The following PTP4A1 variants were observed in gnomAD, a reference collection of about 807,000 sequenced individuals.
PTP4A1 encodes the protein protein tyrosine phosphatase 4A1.
A neutral mutation model predicts 20.5 loss-of-function variants in PTP4A1; 9 were observed. The ratio of observed to expected loss-of-function variants is 0.44; its 90% CI spans 0.26 to 0.77. The LOEUF (loss-of-function observed/expected upper bound fraction) is 0.77, where lower values mean the gene tolerates loss of function less well. PTP4A1 is among the 30% of genes least tolerant of loss of function. The pLI, the probability that PTP4A1 is intolerant of heterozygous loss-of-function variation, is 0.19. For missense variants in PTP4A1, 137 were observed against 218.8 expected (o/e 0.63, Z 2.36); for synonymous variants, 78 against 67.4 (o/e 1.16, Z -0.77).
upstream of PTP4A1, among the ~76,000 whole-genome samples, chr6:63,570,181 A>G (rs918917120): frequency 6.6e-6 from 1 of 152,146 alleles, no homozygotes; most frequent in Non-Finnish European, 1.5e-5. Flanking sequence ...GTACAAACAA[A>G]TTAGCCAGGT....
chr6:63,553,018 G>T (rs1776520762), intron 3 of PTP4A1, among the ~76,000 whole-genome samples: 2 of 152,118 alleles, frequency 1.3e-5, no homozygotes, highest in South Asian at 4.1e-4. Context: ...TATGATGTAG[G>T]TAGTTGCACG....
upstream of PTP4A1, among the ~76,000 whole-genome samples, chr6:63,518,154 C>CA (rs60368385): frequency 0.055 from 3,406 of 61,744 alleles, 112 homozygotes; most frequent in African/African-American, 0.12. Context: ...ACTCCGTCTC[C>CA]AAAAAAAAAA....
chr6:63,534,809 A>ATAAAGAATTTCTTTACTAAAGAATTTAG, intron 2 of PTP4A1, among the ~76,000 whole-genome samples: 1 of 152,072 alleles, frequency 6.6e-6, no homozygotes, highest in South Asian at 2.1e-4. Flanking sequence ...AAAGAATTTC[A>ATAAAGAATTTCTTTACTAAAGAATTTAG]TAAAGAATTT....
chr6:63,560,326 A>G, intron 3 of PTP4A1, among the ~76,000 whole-genome samples: 1 of 147,464 alleles, frequency 6.8e-6, no homozygotes. Context: ...TGACAAGAGT[A>G]AGACTCCGTC....
rs1351808013 is a variant in PTP4A1 at position 63,582,856 on chromosome 6, T to C, written c.*2682T>C. On this transcript the variant is annotated 3_prime_UTR_variant, in exon 6 of 6. Transcript: ENST00000626021. ...GCATTGCTCTCCTATTCCCACGCCT[T>C]AACACAGCTCTATACCTAGAAGCAG... is the stretch of plus-strand genomic sequence containing the variant. 6.6e-6 allele frequency: 1 copy of C among 152,228 alleles called. No homozygotes were observed. The highest frequency in any genetic ancestry group is 1.9e-4 in the East Asian group (1 of 5,196). 9.4% of individuals were successfully genotyped at this position (152,228 alleles called of 1,614,324 possible). A position where few individuals can be genotyped will look rare whatever the true frequency, so the allele number is the denominator to read the frequency against.
At chr6:63,567,467 T>G (rs963803533) in intron 3 of PTP4A1, among the ~76,000 whole-genome samples, 3 of 152,230 alleles carry the variant, frequency 2.0e-5, no homozygotes, top group African/African-American at 7.2e-5. Context: ...ATAGTATTTT[T>G]AAATAAATCA....
At chr6:63,551,787 T>A (rs1191222590) in intron 3 of PTP4A1, among the ~76,000 whole-genome samples, 1 of 148,796 alleles carries the variant, frequency 6.7e-6, no homozygotes, top group Non-Finnish European at 1.5e-5. Context: ...AATGAGAACA[T>A]GTGGTGTTTG....
At chr6:63,549,313 G>A (rs1776334608) in intron 2 of PTP4A1, 1 of 753,278 alleles carries the variant, frequency 1.3e-6, no homozygotes, top group Non-Finnish European at 2.4e-6. Context: ...ATGGCTCTCT[G>A]CCGCTGCAAC....
rs545539555 is a variant in PTP4A1, at chr6:63,579,142, T to A, written c.329+114T>A. 7 of 1,375,112 alleles carry A rather than the reference T, an allele frequency of 5.1e-6. No homozygotes were observed. In the East Asian group the frequency reaches 1.8e-4, roughly 35 times the overall value. 85.2% of individuals were successfully genotyped at this position (1,375,112 alleles called of 1,614,324 possible). On this transcript the variant is annotated intron_variant, in intron 4 of 5. Transcript: ENST00000626021. ...TAAAGTCAACATTTGTCATAGGTAT[T>A]ACTTAAATAGGAAGGGTGGTAGATA...
In PTP4A1 at chr6:63,578,503, G is replaced by T. The variant is rs898524961; in HGVS notation, c.172G>T (p.Val58Leu). The change falls in exon 3 of 6, where the codon GTG becomes TTG. Residue 58 changes from valine to leucine, a missense_variant. Physicochemically the swap from Val to Leu is conservative, Grantham distance 32 (BLOSUM62 1). Coordinates refer to ENST00000626021, the MANE Select transcript of PTP4A1 (RefSeq NM_003463.5). ...TGAAGCAACTTATGACACTACTCTT[G>T]TGGAGAAAGAAGGTATCCATGTTCT... ...VCEATYDTTL[V>L]EKEGIHVLDW... The T allele has an allele frequency of 1.2e-5, 20 of 1,612,188 alleles. No homozygotes were observed. Among genetic ancestry groups the T allele is most frequent in the Non-Finnish European group, 1.6e-5 (19 of 1,179,304 alleles).
chr6:63,581,646 TA>T lies in PTP4A1; in HGVS notation c.*1473del, dbSNP rs983964817. Reference sequence around the variant, plus strand: ...CTTTAATACTAAAAGCACTTTCCATTATATACTTTTTAAAGGTCTAGATAAT... The same window carrying T: ...CTTTAATACTAAAAGCACTTTCCATTTATACTTTTTAAAGGTCTAGATAAT... On this transcript the variant is annotated 3_prime_UTR_variant, in exon 6 of 6. Coordinates refer to ENST00000626021, the MANE Select transcript of PTP4A1 (RefSeq NM_003463.5). 2.6e-5 allele frequency: 4 copies of T among 152,164 alleles called. No individual in the cohort carries two copies. The highest frequency in any genetic ancestry group is 9.7e-5 in the African/African-American group (4 of 41,446). The allele number at this position is 152,164 out of a possible 1,614,324, so 9.4% of individuals were successfully genotyped here.
At chr6:63,543,857 T>C (rs1202511215) in intron 2 of PTP4A1, among the ~76,000 whole-genome samples, 2 of 152,202 alleles carry the variant, frequency 1.3e-5, no homozygotes, top group Non-Finnish European at 2.9e-5. Flanking sequence ...CCAAACAAAG[T>C]AGATTTCATT....
rs1259000337 is a variant in PTP4A1, at chr6:63,578,496, T to G, written c.165T>G (p.Thr55=). ...IVRVCEATYD[T]TLVEKEGIHV... ...GAGTATGTGAAGCAACTTATGACAC[T>G]ACTCTTGTGGAGAAAGAAGGTATCC... Residue 55 remains threonine (T), a synonymous_variant, in exon 3 of 6, where the codon ACT becomes ACG. Coordinates refer to ENST00000626021, the MANE Select transcript of PTP4A1 (RefSeq NM_003463.5). The G allele has an allele frequency of 3.1e-6, 5 of 1,612,226 alleles. No homozygotes were observed. Among genetic ancestry groups the G allele is most frequent in the Non-Finnish European group, 4.2e-6 (5 of 1,179,340 alleles).
chr6:63,549,617 C>A (rs1776348208), intron 2 of PTP4A1: 1 of 496,454 alleles, frequency 2.0e-6, no homozygotes, highest in Non-Finnish European at 3.5e-6. Flanking sequence ...CAATGGAATA[C>A]TAATTATCCA....
chr6:63,579,868 A>G (rs1334196654), intron 5 of PTP4A1, among the ~76,000 whole-genome samples, 189 bp from the exon 6 acceptor site: 2 of 152,202 alleles, frequency 1.3e-5, no homozygotes, highest in Non-Finnish European at 2.9e-5. Flanking sequence ...AGATATAAAG[A>G]AAATTAACTT....
chr6:63,570,552 G>C (rs1359445198), upstream of PTP4A1, among the ~76,000 whole-genome samples: 1 of 152,168 alleles, frequency 6.6e-6, no homozygotes, highest in African/African-American at 2.4e-5. Context: ...AGGATCTGTG[G>C]ATCACAAGGC....
intron 3 of PTP4A1, 28 bp from the exon 4 acceptor site, chr6:63,578,869 TA>T: frequency 1.3e-6 from 2 of 1,485,184 alleles, no homozygotes; most frequent in Non-Finnish European, 1.8e-6. Context: ...ATTAATGATC[TA>T]AAATGTTTAA....
At chr6:63,571,131 T>C (rs1777404993), upstream of PTP4A1, 1 of 152,230 alleles carries the variant, frequency 6.6e-6, no homozygotes, top group East Asian at 1.9e-4. Flanking sequence ...AGAGTTTTTG[T>C]TCCTTTGAAA....
intron 4 of PTP4A1, 54 bp downstream of exon 4, chr6:63,579,082 AC>A (rs1178094592): frequency 6.7e-7 from 1 of 1,495,190 alleles, no homozygotes; most frequent in East Asian, 2.4e-5. Context: ...TAATGAAAAT[AC>A]AGAAACTTGA....
Sources: gnomAD v4.1 joint callset for allele counts (sites outside exome capture counted in the v4.1 genomes callset) on GRCh38, gnomAD v4.1.1 for gene constraint, MANE v1.5 for transcripts, NCBI Gene and HGNC (gene_info 2026-07-23, HGNC 2026-07-21) for gene names.